ATG16L1: variants seen among roughly 807,000 people sequenced by gnomAD.
ATG16L1 encodes autophagy-related protein 16-1.
In ATG16L1, 37 loss-of-function variants were observed where a neutral mutation model predicts 88.5. That is an observed-to-expected ratio of 0.42 (90% CI 0.32 to 0.55). ATG16L1 has a LOEUF of 0.55. Ranked by LOEUF, ATG16L1 falls within the 20% of genes least tolerant of loss-of-function variation. The probability of loss-of-function intolerance (pLI) is 0.13; values close to 1 mark genes in which losing one functional copy is unlikely to be tolerated. For synonymous variants in ATG16L1, 301 were observed against 281.0 expected, an observed-to-expected ratio of 1.07 and a Z score of -0.71; for missense variants, 554 against 752.8, an observed-to-expected ratio of 0.74 and a Z score of 3.09.
Position 233,281,193 on chromosome 2 carries a change from A to G in ATG16L1, c.1131+18A>G, listed in dbSNP as rs966721105. 2.0e-6 allele frequency: 3 copies of G among 1,531,208 alleles called. No individual in the cohort carries two copies. The highest frequency in any genetic ancestry group is 2.6e-6 in the Non-Finnish European group (3 of 1,132,184). The allele number at this position is 1,531,208 out of a possible 1,614,324, so 94.9% of individuals were successfully genotyped here. On this transcript the variant is annotated intron_variant, in intron 11 of 17. Transcript: ENST00000392017. ...ATAGTGCTGTAAGTATTGAATAGCTATGATTTTAAAGGTTTTTAGAAATAA... is the reference window on the plus strand; with the variant it reads ...ATAGTGCTGTAAGTATTGAATAGCTGTGATTTTAAAGGTTTTTAGAAATAA...
chr2:233,282,809 A>G (rs541595238), intron 12 of ATG16L1, 56 bp downstream of exon 12: 9 of 1,521,776 alleles, frequency 5.9e-6, no homozygotes, highest in Middle Eastern at 1.7e-4. Context: ...GGTGTTATCA[A>G]GGCACAAACT....
chr2:233,253,380 TG>T (rs1163844593), intron 1 of ATG16L1, among the ~76,000 whole-genome samples: 1 of 139,850 alleles, frequency 7.2e-6, no homozygotes, highest in African/African-American at 2.7e-5. Flanking sequence ...AGTCTTGCTC[TG>T]TCACCTAGGC....
intron 2 of ATG16L1, among the ~76,000 whole-genome samples, chr2:233,262,827 T>G (rs992804243): frequency 1.3e-5 from 2 of 152,184 alleles, no homozygotes; most frequent in African/African-American, 2.4e-5. Context: ...CTCAGGTCCT[T>G]GCTGAGCCAG....
At position 233,261,166 on chromosome 2, in the gene ATG16L1, A is replaced by G. The variant is rs544926070; in HGVS notation, c.210-1964A>G. On this transcript the variant is annotated intron_variant, in intron 2 of 17. Transcript: ENST00000392017. The stretch of plus-strand genomic sequence containing the variant: ...GAGACGGGATTTCACCGTGTTAGCC[A>G]GGATGATCTCGATCTCCTGACCTCG... Among the ~76,000 whole-genome samples the G allele has an allele frequency of 5.6e-4, 86 of 152,258 alleles. 2 individuals are homozygous for G. The South Asian group carries it at 0.017, about 30-fold the overall frequency.
intron 16 of ATG16L1, 53 bp from the exon 17 acceptor site, chr2:233,293,203 C>T (rs970674309): frequency 6.8e-7 from 1 of 1,480,010 alleles, no homozygotes; most frequent in Middle Eastern, 1.7e-4. Flanking sequence ...CACAGAGATG[C>T]TGAATTGGGG....
chr2:233,267,600 C>T (rs1697696235), intron 5 of ATG16L1, among the ~76,000 whole-genome samples: 1 of 152,104 alleles, frequency 6.6e-6, no homozygotes, highest in South Asian at 2.1e-4. Flanking sequence ...AAAAAATAAG[C>T]TGTCCTTTTT....
chr2:233,292,354 C>G, intron 15 of ATG16L1, 33 bp from the exon 16 acceptor site: 1 of 1,614,152 alleles, frequency 6.2e-7, no homozygotes, highest in Non-Finnish European at 8.5e-7. Context: ...GGCCTGAGCT[C>G]CCTCAGTGAC....
intron 2 of ATG16L1, among the ~76,000 whole-genome samples, chr2:233,262,583 G>T (rs1002804180): frequency 6.6e-6 from 1 of 152,156 alleles, no homozygotes; most frequent in African/African-American, 2.4e-5. Flanking sequence ...TGCCCAGAGG[G>T]CCCTTCCCTC....
intron 5 of ATG16L1, among the ~76,000 whole-genome samples, chr2:233,267,903 A>T (rs991204107): frequency 1.3e-5 from 2 of 152,102 alleles, no homozygotes; most frequent in Non-Finnish European, 2.9e-5. Flanking sequence ...GTGCACTTGG[A>T]GGTATCATGT....
intron 12 of ATG16L1, among the ~76,000 whole-genome samples, chr2:233,284,666 C>G (rs1020971104): frequency 1.3e-5 from 2 of 152,060 alleles, no homozygotes; most frequent in African/African-American, 4.8e-5. Flanking sequence ...GACGGGGTTT[C>G]CCCATGTTGG....
Position 233,292,220 on chromosome 2 carries a change from G to T in ATG16L1, c.1523G>T (p.Arg508Leu). 2 of 1,614,224 alleles carry T rather than the reference G, an allele frequency of 1.2e-6. No individual in the cohort carries two copies. The highest frequency in any genetic ancestry group is 1.7e-6 in the Non-Finnish European group (2 of 1,180,032). The part of the protein sequence containing the change: ...PERTELLSCS[R>L]DDLLKVIDLR... Reference sequence around the variant, plus strand: ...AGGACTGAGCTCCTGAGCTGCTCCCGTGATGACTTGCTAAAAGTTATTGAT... The same window carrying T: ...AGGACTGAGCTCCTGAGCTGCTCCCTTGATGACTTGCTAAAAGTTATTGAT... Residue 508 changes from arginine to leucine, a missense_variant, in exon 15 of 18, where the codon CGT (arginine) becomes CTT (leucine). This residue lies in a region of ATG16L1 where 370 missense variants were observed against 509.7 expected (regional missense o/e 0.73). Transcript: ENST00000392017.
Position 233,277,618 on chromosome 2 carries a change from G to A in ATG16L1, c.1005G>A (p.Arg335=). Reference sequence around the variant, plus strand: ...CTGTGCAGTTCAGTCCAGGTTCCCGGTTACTGGCCACTGGAGGCATGGACC... The same window carrying A: ...CTGTGCAGTTCAGTCCAGGTTCCCGATTACTGGCCACTGGAGGCATGGACC... ...VNAVQFSPGS[R]LLATGGMDRR... The change falls in exon 10 of 18, where the codon CGG becomes CGA. Residue 335 remains arginine, a synonymous_variant. Coordinates refer to ENST00000392017, the MANE Select transcript of ATG16L1 (RefSeq NM_030803.7). 1 of 1,614,114 alleles carries A rather than the reference G, an allele frequency of 6.2e-7. No individual in the cohort carries two copies. Among genetic ancestry groups the A allele is most frequent in the Non-Finnish European group, 8.5e-7 (1 of 1,179,972 alleles).
intron 12 of ATG16L1, among the ~76,000 whole-genome samples, chr2:233,285,970 G>A (rs115325679): frequency 1.9e-3 from 286 of 152,256 alleles, no homozygotes; most frequent in African/African-American, 6.5e-3. Context: ...TGATGCCTCC[G>A]TTAAAAATCT....
rs906962143 is a variant in ATG16L1, at chr2:233,264,839, C to T, written c.390-53C>T. The T allele has an allele frequency of 1.0e-5, 16 of 1,605,220 alleles. No individual in the cohort carries two copies. In the African/African-American group the frequency reaches 2.1e-4, roughly 21 times the overall value. Reference sequence around the variant, plus strand: ...AGCACTCAGCCAGGTCCGTCTGGCTCTGGCACAGGGCTCTGGCGAGGTACT... The same window carrying T: ...AGCACTCAGCCAGGTCCGTCTGGCTTTGGCACAGGGCTCTGGCGAGGTACT... On this transcript the variant is annotated intron_variant, in intron 4 of 17. Coordinates refer to ENST00000392017, the MANE Select transcript of ATG16L1 (RefSeq NM_030803.7).
At chr2:233,288,954 C>A (rs1699268858) in intron 12 of ATG16L1, 1 of 512,066 alleles carries the variant, frequency 2.0e-6, no homozygotes, top group Non-Finnish European at 3.9e-6. Context: ...GATTGAAAAT[C>A]CCCCAGGGGT....
At position 233,272,968 on chromosome 2, in the gene ATG16L1, A is replaced by G. The variant is rs756750758; in HGVS notation, c.710A>G (p.Asp237Gly). 2.5e-6 allele frequency: 4 copies of G among 1,613,680 alleles called. No homozygotes were observed. The highest frequency in any genetic ancestry group is 3.4e-6 in the Non-Finnish European group (4 of 1,179,588). ...GAATGTCTTGCCTTTCTTTCCAGGGATGATGACATTGAGGTCATTGTGGAT... is the reference window on the plus strand; with the variant it reads ...GAATGTCTTGCCTTTCTTTCCAGGGGTGATGACATTGAGGTCATTGTGGAT... ...AAKEPLPVEQ[D>G]DDIEVIVDET... is the part of the protein sequence containing the mutation. Residue 237 changes from aspartate to glycine, a missense_variant and splice_region_variant, in exon 7 of 18, where the codon GAT becomes GGT. Physicochemically the swap from Asp to Gly is moderately conservative, Grantham distance 94 (BLOSUM62 -1). This residue lies in a region of ATG16L1 where 370 missense variants were observed against 509.7 expected (regional missense o/e 0.73). Coordinates refer to ENST00000392017, the MANE Select transcript of ATG16L1 (RefSeq NM_030803.7).
At chr2:233,293,203 C>A in intron 16 of ATG16L1, 53 bp from the exon 17 acceptor site, 1 of 1,480,000 alleles carries the variant, frequency 6.8e-7, no homozygotes, top group Non-Finnish European at 9.5e-7. Flanking sequence ...CACAGAGATG[C>A]TGAATTGGGG....
At chr2:233,269,264 G>C (rs982403996) in intron 5 of ATG16L1, among the ~76,000 whole-genome samples, 2 of 152,174 alleles carry the variant, frequency 1.3e-5, no homozygotes, top group South Asian at 2.1e-4. Flanking sequence ...TCAAAAGGTT[G>C]TTATAAGGCT....
rs1373479202 is a variant in ATG16L1, at chr2:233,263,241, G to A, written c.315+6G>A. ...TACACAAGAAACGTGGGGAGGTAAA[G>A]CTAGCCCTTTTCCTCATCTGTCTTC... On this transcript the variant is annotated splice_donor_region_variant and intron_variant, in intron 3 of 17. Coordinates refer to ENST00000392017, the MANE Select transcript of ATG16L1 (RefSeq NM_030803.7). The A allele has an allele frequency of 6.2e-7, 1 of 1,612,394 alleles. No homozygotes were observed. The highest frequency in any genetic ancestry group is 8.5e-7 in the Non-Finnish European group (1 of 1,178,736).
Sources: allele counts gnomAD v4.1 joint callset (sites outside exome capture counted in the v4.1 genomes callset), GRCh38; gene constraint gnomAD v4.1.1; regional missense constraint gnomAD v4.1.1; transcripts MANE v1.5; gene names NCBI Gene and HGNC (gene_info 2026-07-23, HGNC 2026-07-21).